Variants in FSTL4 observed in about 807,000 individuals in gnomAD.
FSTL4 encodes follistatin-related protein 4.
FSTL4 carries 28 observed loss-of-function variants against 78.2 expected under a neutral mutation model. The observed-to-expected ratio is 0.36, with a 90% CI of 0.27 to 0.49. FSTL4 has a LOEUF of 0.49. Among genes scored for constraint, FSTL4 ranks in the 20% least tolerant of loss-of-function variants. The probability of loss-of-function intolerance (pLI) is 0.98; values close to 1 mark genes in which losing one functional copy is unlikely to be tolerated. For missense variants in FSTL4, 922 were observed against 1,084.9 expected (o/e 0.85, Z 2.11); for synonymous variants, 422 against 440.5 (o/e 0.96, Z 0.53).
chr5:133,487,018 T>C (rs186384929), intron 3 of FSTL4, among the ~76,000 whole-genome samples: 1 of 152,240 alleles, frequency 6.6e-6, no homozygotes, highest in East Asian at 1.9e-4. Flanking sequence ...AGCACACAGC[T>C]TTGCCATGGA....
At chr5:133,575,232 T>C (rs1240574686) in intron 2 of FSTL4, 2 of 152,182 alleles carry the variant, frequency 1.3e-5, no homozygotes, top group East Asian at 3.8e-4. Context: ...AGGACTAGAC[T>C]CAAACCTCTG....
intron 3 of FSTL4, among the ~76,000 whole-genome samples, chr5:133,529,213 C>A (rs1169795795): frequency 6.6e-6 from 1 of 152,200 alleles, no homozygotes; most frequent in African/African-American, 2.4e-5. Context: ...GTTATTGGAA[C>A]CTAGCATTCC....
intron 7 of FSTL4, among the ~76,000 whole-genome samples, chr5:133,235,765 A>G (rs962212195): frequency 5.9e-5 from 9 of 152,260 alleles, no homozygotes; most frequent in Admixed American, 4.6e-4. Flanking sequence ...GGAAGCCTCC[A>G]TGATAAAATA....
chr5:133,286,038 C>T (rs1276265062), intron 6 of FSTL4, among the ~76,000 whole-genome samples: 2 of 152,222 alleles, frequency 1.3e-5, no homozygotes, highest in Non-Finnish European at 2.9e-5. Context: ...ATCTGACCTG[C>T]CCTGTGTCCA....
chr5:133,807,544 C>G, the FSTL4 span, among the ~76,000 whole-genome samples: 2 of 152,226 alleles, frequency 1.3e-5, no homozygotes, highest in Non-Finnish European at 2.9e-5. Flanking sequence ...TGCTGCTCTC[C>G]CTTGGAACTC....
rs1761087184 is a variant in FSTL4, at chr5:133,611,308, C to T, written c.-11+1017G>A. On this transcript the variant is annotated intron_variant, in intron 1 of 15. Transcript: ENST00000265342. The surrounding 1 kb of genome is among the most constrained non-coding windows in gnomAD (Gnocchi z 4.9). ...TCTGGAAAACAAGAAACCCCACTGC[C>T]TCGGCGGCTTTCCGCTCCCGCAAGA... Among the ~76,000 whole-genome samples the T allele has an allele frequency of 6.6e-6, 1 of 152,192 alleles. No homozygotes were observed. The highest frequency in any genetic ancestry group is 2.4e-5 in the African/African-American group (1 of 41,466).
intron 1 of FSTL4, among the ~76,000 whole-genome samples, chr5:133,606,035 G>C (rs1256884912): frequency 1.3e-5 from 2 of 152,170 alleles, no homozygotes; most frequent in Admixed American, 1.3e-4. Flanking sequence ...TAGCTAGGGT[G>C]TGTGAAATCT....
intron 4 of FSTL4, among the ~76,000 whole-genome samples, chr5:133,318,143 T>G (rs1468740701): frequency 1.3e-5 from 2 of 152,250 alleles, no homozygotes; most frequent in Non-Finnish European, 1.5e-5. Context: ...TCAATTGTTG[T>G]GTTCAATATA....
chr5:133,300,254 G>A (rs868401513), intron 6 of FSTL4, among the ~76,000 whole-genome samples: 2 of 152,276 alleles, frequency 1.3e-5, no homozygotes, highest in African/African-American at 4.8e-5. Flanking sequence ...TCTCCCACAG[G>A]GACACAGTCT....
intron 3 of FSTL4, among the ~76,000 whole-genome samples, chr5:133,431,357 T>C (rs1351515981): frequency 1.3e-5 from 2 of 152,204 alleles, no homozygotes; most frequent in Non-Finnish European, 2.9e-5. Context: ...AACAATAGAA[T>C]GGAACAGCCA....
At chr5:133,561,843 A>G (rs1457273512) in intron 3 of FSTL4, among the ~76,000 whole-genome samples, 1 of 152,188 alleles carries the variant, frequency 6.6e-6, no homozygotes, top group Non-Finnish European at 1.5e-5. Flanking sequence ...GCACCAAATC[A>G]CTACTTAAGC....
chr5:133,694,463 G>T, the FSTL4 span, among the ~76,000 whole-genome samples: 454 of 152,378 alleles, frequency 3.0e-3, 4 homozygotes, highest in African/African-American at 0.011. Context: ...CAAGCACTTT[G>T]CTAGGTGCTA....
At chr5:133,703,752 A>G in the FSTL4 span, among the ~76,000 whole-genome samples, 1 of 152,202 alleles carries the variant, frequency 6.6e-6, no homozygotes, top group Non-Finnish European at 1.5e-5. Flanking sequence ...AGAGAAGGCC[A>G]GGAACTCGCT....
chr5:133,284,934 G>T, intron 6 of FSTL4, among the ~76,000 whole-genome samples: 1 of 152,178 alleles, frequency 6.6e-6, no homozygotes, highest in East Asian at 1.9e-4. Context: ...GAAAGGACTG[G>T]CTAGGGCACG....
At chr5:133,817,156 A>G in the FSTL4 span, among the ~76,000 whole-genome samples, 1 of 152,236 alleles carries the variant, frequency 6.6e-6, no homozygotes, top group Admixed American at 6.5e-5. Flanking sequence ...TTCTATTGTT[A>G]TCTTTTTAAA....
rs796727523 is a variant in FSTL4, at chr5:133,391,680, A to T, written c.409+9058T>A. Among the ~76,000 whole-genome samples the T allele has an allele frequency of 1.3e-4, 20 of 152,172 alleles. No individual in the cohort carries two copies. In the East Asian group the frequency reaches 3.3e-3, roughly 25 times the overall value. On this transcript the variant is annotated intron_variant, in intron 4 of 15. Coordinates refer to ENST00000265342, the MANE Select transcript of FSTL4 (RefSeq NM_015082.2). ...CTCTGGCCCCCTTGTGAGCCCCCAA[A>T]CACGCTAGGCAAGCTCCTACCTTAG...
At chr5:133,281,575 G>A (rs142080949) in intron 6 of FSTL4, among the ~76,000 whole-genome samples, 56 of 152,180 alleles carry the variant, frequency 3.7e-4, no homozygotes, top group African/African-American at 1.2e-3. Context: ...TCCTGGGCCA[G>A]GACTCTTCTA....
rs1162184154 is a variant in FSTL4, at chr5:133,485,390, C to A, written c.160+81796G>T. 2.0e-5 allele frequency among the ~76,000 whole-genome samples: 3 copies of A among 152,172 alleles called. No individual in the cohort carries two copies. In the East Asian group the frequency reaches 5.8e-4, roughly 29 times the overall value. On this transcript the variant is annotated intron_variant, in intron 3 of 15. Coordinates refer to ENST00000265342, the MANE Select transcript of FSTL4 (RefSeq NM_015082.2). ...TGGCGCAGCTTCCCATGCAGGCAGA[C>A]CTTGCTGGTTCAGGCTAATTGGGAG... is the stretch of plus-strand genomic sequence containing the variant.
intron 3 of FSTL4, among the ~76,000 whole-genome samples, chr5:133,487,457 G>A (rs922738207): frequency 6.6e-6 from 1 of 152,204 alleles, no homozygotes; most frequent in Non-Finnish European, 1.5e-5. Flanking sequence ...CAATGGCAGA[G>A]TCCTTGTCTT....
Sources: gnomAD v4.1 joint callset for allele counts (sites outside exome capture counted in the v4.1 genomes callset) on GRCh38, gnomAD v4.1.1 for gene constraint, Gnocchi (gnomAD v3.1) non-coding constraint, MANE v1.5 for transcripts, NCBI Gene and HGNC (gene_info 2026-07-23, HGNC 2026-07-21) for gene names.